TSNARE1: variants seen among roughly 807,000 people sequenced by gnomAD.
The protein encoded by TSNARE1 is t-SNARE domain containing 1, also known as t-SNARE domain-containing protein 1.
A neutral mutation model predicts 62.0 loss-of-function variants in TSNARE1; 49 were observed. The ratio of observed to expected loss-of-function variants is 0.79; its 90% confidence interval spans 0.63 to 1.00. The LOEUF (loss-of-function observed/expected upper bound fraction) is 1.00. Among genes scored for constraint, TSNARE1 ranks in the 50% least tolerant of loss-of-function variants. The probability of loss-of-function intolerance (pLI) is 0.00; values close to 1 mark genes in which losing one functional copy is unlikely to be tolerated. For missense variants in TSNARE1, 755 were observed against 700.1 expected (o/e 1.08, Z -0.88); for synonymous variants, 328 against 294.4 (o/e 1.11, Z -1.17).
chr8:142,328,326 G>A (rs1481135372), intron 6 of TSNARE1, among the ~76,000 whole-genome samples: 1 of 152,144 alleles, frequency 6.6e-6, no homozygotes, highest in Non-Finnish European at 1.5e-5. Flanking sequence ...GCATGTCCCA[G>A]CTCACAGCCT....
At chr8:142,245,742 T>G (rs886638793) in intron 12 of TSNARE1, among the ~76,000 whole-genome samples, 6 of 152,130 alleles carry the variant, frequency 3.9e-5, no homozygotes, top group Non-Finnish European at 2.9e-5. Flanking sequence ...AAGATTAGGT[T>G]GGGGTGAGGG....
intron 1 of TSNARE1, among the ~76,000 whole-genome samples, chr8:142,355,404 ACACACATTATGGTTGGCAAACAGT>A (rs997754870): frequency 2.0e-5 from 3 of 152,226 alleles, no homozygotes; most frequent in African/African-American, 7.2e-5. Flanking sequence ...ATGCAATCAG[ACACACATTATGGTTGGCAAACAGT>A]AAGCACTCAA....
chr8:142,238,442 C>T (rs1257164427), intron 12 of TSNARE1, among the ~76,000 whole-genome samples: 1 of 152,132 alleles, frequency 6.6e-6, no homozygotes, highest in Non-Finnish European at 1.5e-5. Context: ...TGCCGCTGAG[C>T]CCAGTCAGCA....
intron 10 of TSNARE1, among the ~76,000 whole-genome samples, chr8:142,289,008 G>A (rs994358331): frequency 2.3e-4 from 35 of 152,184 alleles, no homozygotes; most frequent in Non-Finnish European, 2.9e-5. Flanking sequence ...TCGAGCGAAC[G>A]CAGCATTTGT....
Position 142,274,833 on chromosome 8 carries a change from G to A in TSNARE1, c.1394C>T (p.Ser465Phe). 6.3e-7 allele frequency: 1 copy of A among 1,580,600 alleles called. No individual in the cohort carries two copies. Residue 465 changes from serine to phenylalanine, a missense_variant, in exon 12 of 14, where the codon TCC (serine) becomes TTC (phenylalanine). By Grantham distance (155) the Ser-to-Phe change is radical (BLOSUM62 -2). Transcript: ENST00000524325. ...DSIEASLEAASSHAEAARQLL... is the reference protein window; with the variant it reads ...DSIEASLEAAFSHAEAARQLL... ...CTGGCGGGCTGCCTCCGCATGCGAGGACGCAGCCTCAAGGCTGGCTTCAAT... is the reference window on the plus strand; with the variant it reads ...CTGGCGGGCTGCCTCCGCATGCGAGAACGCAGCCTCAAGGCTGGCTTCAAT...
intron 1 of TSNARE1, among the ~76,000 whole-genome samples, chr8:142,356,758 C>T (rs1310504983): frequency 6.6e-6 from 1 of 152,162 alleles, no homozygotes; most frequent in Non-Finnish European, 1.5e-5. Flanking sequence ...TACCTTGCAG[C>T]TGAGGAAACT....
intron 12 of TSNARE1, among the ~76,000 whole-genome samples, chr8:142,263,625 T>C (rs1818998186): frequency 6.6e-6 from 1 of 152,220 alleles, no homozygotes; most frequent in Non-Finnish European, 1.5e-5. Context: ...ATCATCTGGG[T>C]TTAGTGTCTT....
intron 11 of TSNARE1, among the ~76,000 whole-genome samples, chr8:142,283,045 G>A (rs1469094487): frequency 6.8e-6 from 1 of 147,456 alleles, no homozygotes; most frequent in Admixed American, 6.7e-5. Context: ...GAGCAGAGGC[G>A]GGACCAGTGT....
At chr8:142,288,940 GCAGGGCTGGCAGGTCCT>G (rs1823293947) in intron 10 of TSNARE1, among the ~76,000 whole-genome samples, 2 of 152,246 alleles carry the variant, frequency 1.3e-5, no homozygotes, top group South Asian at 4.1e-4. Context: ...GGCTCGGCCA[GCAGGGCTGGCAGGTCCT>G]CAGGGCTGCA....
At chr8:142,385,976 G>T (rs547234494) in intron 1 of TSNARE1, among the ~76,000 whole-genome samples, 1 of 152,242 alleles carries the variant, frequency 6.6e-6, no homozygotes, top group East Asian at 1.9e-4. Context: ...TTCCTGGCAG[G>T]GGACCACTCT....
intron 10 of TSNARE1, among the ~76,000 whole-genome samples, chr8:142,289,446 C>A (rs961094042): frequency 2.0e-5 from 3 of 152,212 alleles, no homozygotes; most frequent in African/African-American, 4.8e-5. Flanking sequence ...GCCCCACTAT[C>A]CCTCCTGGCG....
intron 9 of TSNARE1, among the ~76,000 whole-genome samples, chr8:142,310,438 A>G (rs1177159450): frequency 6.6e-6 from 1 of 151,216 alleles, no homozygotes; most frequent in Non-Finnish European, 1.5e-5. Context: ...CAGCCACATC[A>G]ACTGTTTCCA....
intron 1 of TSNARE1, among the ~76,000 whole-genome samples, chr8:142,361,031 G>T (rs1277861764): frequency 6.6e-6 from 1 of 152,056 alleles, no homozygotes; most frequent in Non-Finnish European, 1.5e-5. Context: ...TTCCAGAACA[G>T]CTCCAGCCCC....
Position 142,291,605 on chromosome 8 carries a change from G to A in TSNARE1, c.1291-7120C>T, listed in dbSNP as rs917872815. On this transcript the variant is annotated intron_variant, in intron 10 of 13. Coordinates refer to ENST00000524325, the MANE Select transcript of TSNARE1 (RefSeq NM_145003.5). The surrounding 1 kb of genome is among the most constrained non-coding windows in gnomAD (Gnocchi z 4.8). ...CTGGGTGCCAGGCAGCGTCAGGCCG[G>A]TGAGCTGCTGCGAACGCAGACGTGA... Among the ~76,000 whole-genome samples, 5 of 152,134 alleles carry A rather than the reference G, an allele frequency of 3.3e-5. No individual in the cohort carries two copies. Among genetic ancestry groups the A allele is most frequent in the Non-Finnish European group, 7.4e-5 (5 of 68,026 alleles).
At chr8:142,328,164 T>A (rs75087595) in intron 6 of TSNARE1, among the ~76,000 whole-genome samples, 8,754 of 149,414 alleles carry the variant, frequency 0.059, 516 homozygotes, top group African/African-American at 0.15. Flanking sequence ...AATAGTTTTT[T>A]AAAAAAAAAA....
intron 12 of TSNARE1, among the ~76,000 whole-genome samples, chr8:142,230,665 T>G (rs1586795809): frequency 6.6e-6 from 1 of 152,074 alleles, no homozygotes; most frequent in East Asian, 1.9e-4. Context: ...AGTAACTGGA[T>G]AGGGGAGAGG....
intron 2 of TSNARE1, among the ~76,000 whole-genome samples, chr8:142,348,714 T>C (rs1405495657): frequency 6.6e-6 from 1 of 151,472 alleles, no homozygotes; most frequent in Non-Finnish European, 1.5e-5. Flanking sequence ...TGCCAGGTTA[T>C]CGTGAGGCTG....
chr8:142,322,854 C>T (rs550704108), intron 6 of TSNARE1, among the ~76,000 whole-genome samples: 1 of 149,158 alleles, frequency 6.7e-6, no homozygotes, highest in African/African-American at 2.5e-5. Context: ...CCGGCCTGGC[C>T]GTGTCTGTGG....
chr8:142,349,545 C>T (rs906709071), intron 2 of TSNARE1, among the ~76,000 whole-genome samples: 3 of 152,110 alleles, frequency 2.0e-5, no homozygotes, highest in African/African-American at 4.8e-5. Context: ...AAAACTCGCA[C>T]GCACAGAAGG....
Sources: allele counts gnomAD v4.1 joint callset (sites outside exome capture counted in the v4.1 genomes callset), GRCh38; gene constraint gnomAD v4.1.1; non-coding constraint Gnocchi (gnomAD v3.1); transcripts MANE v1.5; gene names NCBI Gene and HGNC (gene_info 2026-07-23, HGNC 2026-07-21).